The following WDFY3 variants were observed in gnomAD, a reference collection of about 807,000 sequenced individuals.
The protein encoded by WDFY3 is WD repeat and FYVE domain-containing protein 3.
A neutral mutation model predicts 409.6 loss-of-function variants in WDFY3; 66 were observed. The ratio of observed to expected loss-of-function variants is 0.16; its 90% CI spans 0.13 to 0.20. The LOEUF is 0.20. Among genes scored for constraint, WDFY3 ranks in the 10% least tolerant of loss-of-function variants. WDFY3 has a pLI of 1.00. For missense variants in WDFY3, 3,031 were observed against 4,298.1 expected, an observed-to-expected ratio of 0.71 and a Z score of 8.24; for synonymous variants, 1,521 against 1,537.1, an observed-to-expected ratio of 0.99 and a Z score of 0.25.
At chr4:84,965,782 T>C (rs1348228566) in intron 1 of WDFY3, 1 of 130,596 alleles carries the variant, frequency 7.7e-6, no homozygotes, top group African/African-American at 3.0e-5. Flanking sequence ...CCCCGCAGGA[T>C]GCAGCGGGGG....
rs150542176 is a variant in WDFY3, at chr4:84,737,371, TAAAC to T, written c.6575-9_6575-6del. 3,069 of 1,545,118 alleles carry T rather than the reference TAAAC, an allele frequency of 2.0e-3. 29 individuals carry two copies. The African/African-American group carries it at 0.026, about 13-fold the overall frequency. On this transcript the variant is annotated splice_region_variant and splice_polypyrimidine_tract_variant and intron_variant, in intron 40 of 67. Coordinates refer to ENST00000295888, the MANE Select transcript of WDFY3 (RefSeq NM_014991.6). ...CTTTTATGAGAAGCTGACGCCCTAG[TAAAC>T]AAACAAACAAACAAACAAAAAAGTA...
In WDFY3 at chr4:84,803,504, C is replaced by A. The variant is rs759736398; in HGVS notation, c.2430-37G>T. On this transcript the variant is annotated intron_variant, in intron 15 of 67. Coordinates refer to ENST00000295888, the MANE Select transcript of WDFY3 (RefSeq NM_014991.6). ...GAAAGAGTAAATTTGGTATTGAATT[C>A]CAATCACATTCTCTTCCTCTTCAGT... 4 of 1,568,474 alleles carry A rather than the reference C, an allele frequency of 2.6e-6. No homozygotes were observed. The Admixed American group carries it at 5.5e-5, about 21-fold the overall frequency.
At chr4:84,887,690 T>G (rs1764411831) in intron 3 of WDFY3, among the ~76,000 whole-genome samples, 1 of 152,196 alleles carries the variant, frequency 6.6e-6, no homozygotes, top group Non-Finnish European at 1.5e-5. Context: ...AGCTCAGAGT[T>G]TAAGCAGCTT....
chr4:84,821,205 T>C lies in WDFY3; in HGVS notation c.1470A>G (p.Thr490=). ...CGTCTTTAAATATGTAGTCATGTCT[T>C]GTAAACTTAAGAAGTGTTTTCATTG... The part of the protein sequence containing the change: ...IIAMKTLLKF[T]RHDYIFKDVF... Residue 490 remains threonine, a synonymous_variant, in exon 11 of 68, where the codon ACA becomes ACG. Coordinates refer to ENST00000295888, the MANE Select transcript of WDFY3 (RefSeq NM_014991.6). 1 of 1,613,778 alleles carries C rather than the reference T, an allele frequency of 6.2e-7. No homozygotes were observed. The highest frequency in any genetic ancestry group is 8.5e-7 in the Non-Finnish European group (1 of 1,179,818).
chr4:84,860,610 C>A lies in WDFY3; in HGVS notation c.-19G>T. 1 of 1,586,630 alleles carries A rather than the reference C, an allele frequency of 6.3e-7. No homozygotes were observed. The highest frequency in any genetic ancestry group is 1.1e-5 in the South Asian group (1 of 88,404). ...TGTTCATCTTGGCTGGTTGGTGAGA[C>A]GCACTTCTAATTCTGTAGGAAAATG... On this transcript the variant is annotated 5_prime_UTR_variant, in exon 4 of 68. Transcript: ENST00000295888.
chr4:84,793,130 T>C lies in WDFY3; in HGVS notation c.3487+1389A>G, dbSNP rs182141330. On this transcript the variant is annotated intron_variant, in intron 21 of 67. Transcript: ENST00000295888. ...GACTCAGGTTTCTAGTTGGGCTAAC[T>C]GGCAGTGGTTGTGTCATTTATCAAC... Among the ~76,000 whole-genome samples, 17 of 152,302 alleles carry C rather than the reference T, an allele frequency of 1.1e-4. No individual in the cohort carries two copies. In the East Asian group the frequency reaches 2.7e-3, roughly 24 times the overall value.
chr4:84,897,721 T>C (rs1241657642), intron 2 of WDFY3, among the ~76,000 whole-genome samples: 1 of 152,132 alleles, frequency 6.6e-6, no homozygotes, highest in Non-Finnish European at 1.5e-5. Flanking sequence ...CAGGACAAAG[T>C]GACGCTGGAG....
Position 84,789,845 on chromosome 4 carries a change from A to G in WDFY3, c.3550T>C (p.Cys1184Arg). Residue 1184 changes from cysteine to arginine, a missense_variant, in exon 22 of 68, where the codon TGT becomes CGT. Cys to Arg is a radical substitution (Grantham distance 180). Transcript: ENST00000295888. The part of the protein sequence containing the change: ...EILPCCARFR[C>R]GELIIEGQWH... ...TGTCCCTCAATGATAAGCTCTCCAC[A>G]TCGAAAGCGAGCACAGCATGGGAGA... 6.2e-7 allele frequency: 1 copy of G among 1,614,140 alleles called. No homozygotes were observed. The highest frequency in any genetic ancestry group is 8.5e-7 in the Non-Finnish European group (1 of 1,180,028).
chr4:84,711,262 A>G (rs1732837752), intron 51 of WDFY3, among the ~76,000 whole-genome samples: 1 of 152,218 alleles, frequency 6.6e-6, no homozygotes, highest in African/African-American at 2.4e-5. Context: ...TAAAGGAATC[A>G]CTGATAGGTC....
chr4:84,716,404 A>ACT (rs1560587032), intron 49 of WDFY3, among the ~76,000 whole-genome samples: 1 of 144,566 alleles, frequency 6.9e-6, no homozygotes, highest in East Asian at 2.0e-4. Flanking sequence ...GTGCCACTGC[A>ACT]CTCTAGCCTG....
At chr4:84,951,156 T>C (rs1773562545) in intron 1 of WDFY3, among the ~76,000 whole-genome samples, 1 of 152,262 alleles carries the variant, frequency 6.6e-6, no homozygotes, top group Non-Finnish European at 1.5e-5. Flanking sequence ...AATATTTATC[T>C]TTTAAAAGTC....
rs373289092 is a variant in WDFY3, at chr4:84,787,538, G to A, written c.3845C>T (p.Thr1282Ile). The A allele has an allele frequency of 2.0e-5, 32 of 1,614,046 alleles. No homozygotes were observed. In the African/African-American group the frequency reaches 4.1e-4, roughly 21 times the overall value. Residue 1282 changes from threonine (T) to isoleucine (I), a missense_variant, in exon 23 of 68, where the codon ACC becomes ATC. By Grantham distance (89) the Thr-to-Ile change is moderately conservative. Transcript: ENST00000295888. ...EEVLPSSNVT[T>I]IYELGPNYVG... ...ATAATTTGGTCCAAGTTCATAAATG[G>A]TAGTAACATTTGAAGAAGGTAAAAC...
chr4:84,873,381 T>A (rs1022196140), intron 3 of WDFY3, among the ~76,000 whole-genome samples: 3 of 152,140 alleles, frequency 2.0e-5, no homozygotes, highest in African/African-American at 7.2e-5. Flanking sequence ...AACAACACAC[T>A]TCTAAATAAA....
chr4:84,713,364 TG>T, intron 50 of WDFY3, 125 bp from the exon 51 acceptor site: 1 of 761,842 alleles, frequency 1.3e-6, no homozygotes, highest in Non-Finnish European at 2.2e-6. Context: ...ACCCACTAAA[TG>T]GCAGGCAAAA....
intron 3 of WDFY3, among the ~76,000 whole-genome samples, chr4:84,894,806 C>T (rs181502599): frequency 1.5e-4 from 23 of 151,622 alleles, no homozygotes; most frequent in African/African-American, 5.3e-4. Flanking sequence ...AAAAATTAGC[C>T]GGTTGTAGTG....
At chr4:84,848,400 C>G (rs954038566) in intron 5 of WDFY3, among the ~76,000 whole-genome samples, 1 of 152,114 alleles carries the variant, frequency 6.6e-6, no homozygotes, top group Non-Finnish European at 1.5e-5. Flanking sequence ...GAACCTGATA[C>G]TTACTTAAAG....
At chr4:84,758,497 C>A (rs1380016648) in intron 32 of WDFY3, among the ~76,000 whole-genome samples, 1 of 152,186 alleles carries the variant, frequency 6.6e-6, no homozygotes, top group Admixed American at 6.5e-5. Flanking sequence ...ATGCTCCCGT[C>A]TTAGCCTCCC....
At position 84,832,914 on chromosome 4, in the gene WDFY3, A is replaced by C. The variant is rs553391980; in HGVS notation, c.577-1309T>G. On this transcript the variant is annotated intron_variant, in intron 7 of 67. Coordinates refer to ENST00000295888, the MANE Select transcript of WDFY3 (RefSeq NM_014991.6). ...TTCTCTAAAAAGGACAGTTTTAGAAAAAAAAGGAAGTAAAAATAGATCTTT... is the reference window on the plus strand; with the variant it reads ...TTCTCTAAAAAGGACAGTTTTAGAACAAAAAGGAAGTAAAAATAGATCTTT... Among the ~76,000 whole-genome samples, 7 of 152,308 alleles carry C rather than the reference A, an allele frequency of 4.6e-5. No individual in the cohort carries two copies. The South Asian group carries it at 1.5e-3, about 32-fold the overall frequency.
Position 84,867,975 on chromosome 4 carries a change from C to T in WDFY3, c.-31-7353G>A, listed in dbSNP as rs565898628. On this transcript the variant is annotated intron_variant, in intron 3 of 67. Coordinates refer to ENST00000295888, the MANE Select transcript of WDFY3 (RefSeq NM_014991.6). ...CACAAGGTCAAGAGATCAAGATCAT[C>T]CTGGCCAACATGGTGAAACCCTGTC... Among the ~76,000 whole-genome samples the T allele has an allele frequency of 8.6e-4, 130 of 151,846 alleles. 2 individuals are homozygous for T. In the South Asian group the frequency reaches 0.026, roughly 30 times the overall value.
Sources: gnomAD v4.1 joint callset for allele counts (sites outside exome capture counted in the v4.1 genomes callset) on GRCh38, gnomAD v4.1.1 for gene constraint, MANE v1.5 for transcripts, NCBI Gene and HGNC (gene_info 2026-07-23, HGNC 2026-07-21) for gene names.